Variants in CFAP61 observed in about 807,000 individuals in gnomAD.
CFAP61 encodes the protein cilia and flagella associated protein 61, also known as cilia- and flagella-associated protein 61.
In CFAP61, 107 loss-of-function variants were observed where a neutral mutation model predicts 135.6. That is an observed-to-expected ratio of 0.79 (90% CI 0.67 to 0.93). The LOEUF is 0.93. Ranked by LOEUF, CFAP61 falls within the 40% of genes least tolerant of loss-of-function variation. The pLI is 0.00. For synonymous variants in CFAP61, 575 were observed against 578.5 expected (o/e 0.99, Z 0.09); for missense variants, 1,507 against 1,556.2 (o/e 0.97, Z 0.53).
In CFAP61 at chr20:20,163,745, G is replaced by A. The variant is rs542206652; in HGVS notation, c.1027-305G>A. Among the ~76,000 whole-genome samples the A allele has an allele frequency of 9.9e-5, 15 of 152,196 alleles. No individual in the cohort carries two copies. In the East Asian group the frequency reaches 2.1e-3, roughly 21 times the overall value. Reference sequence around the variant, plus strand: ...GTTTTAAGCCCTGCCTGCATTAGGTGTTTGTCTTAATGCTCTCCCTCCCTT... The same window carrying A: ...GTTTTAAGCCCTGCCTGCATTAGGTATTTGTCTTAATGCTCTCCCTCCCTT... On this transcript the variant is annotated intron_variant, in intron 10 of 26. Coordinates refer to ENST00000245957, the MANE Select transcript of CFAP61 (RefSeq NM_015585.4).
At chr20:20,121,632 T>C (rs1344133485) in intron 8 of CFAP61, among the ~76,000 whole-genome samples, 1 of 151,990 alleles carries the variant, frequency 6.6e-6, no homozygotes, top group Non-Finnish European at 1.5e-5. Context: ...GTAACTGGAA[T>C]TACAGGCACA....
At chr20:20,299,292 C>T (rs1389801023) in intron 25 of CFAP61, among the ~76,000 whole-genome samples, 2 of 152,218 alleles carry the variant, frequency 1.3e-5, no homozygotes, top group Non-Finnish European at 2.9e-5. Flanking sequence ...GGAAGTCCCT[C>T]TCTGATCACA....
At chr20:20,294,524 C>G (rs1204350791) in intron 24 of CFAP61, among the ~76,000 whole-genome samples, 1 of 152,216 alleles carries the variant, frequency 6.6e-6, no homozygotes, top group African/African-American at 2.4e-5. Context: ...TCTAGTGTAG[C>G]TGCTTCTGGA....
intron 2 of CFAP61, among the ~76,000 whole-genome samples, chr20:20,057,120 T>TAAAAAA (rs752860141): frequency 9.8e-6 from 1 of 102,116 alleles, no homozygotes; most frequent in African/African-American, 3.7e-5. Context: ...CTGTCTCAAT[T>TAAAAAA]AAAAAAAAAA....
intron 18 of CFAP61, among the ~76,000 whole-genome samples, chr20:20,233,616 C>T (rs6081933): frequency 0.13 from 20,007 of 152,206 alleles, 1,487 homozygotes; most frequent in Middle Eastern, 0.22. Context: ...GAGTCTCAGT[C>T]TCCCCAGGCA....
rs2047436420 is a variant in CFAP61, at chr20:20,208,973, T to C, written c.1932+9071T>C. Among the ~76,000 whole-genome samples the C allele has an allele frequency of 2.0e-5, 3 of 152,176 alleles. No individual in the cohort carries two copies. The South Asian group carries it at 6.2e-4, about 32-fold the overall frequency. On this transcript the variant is annotated intron_variant, in intron 17 of 26. Transcript: ENST00000245957. Reference sequence around the variant, plus strand: ...CATGGGACTCACAGCACGTCAACAGTTCTCCTGGAAGAAATCTTCAAAAAA... The same window carrying C: ...CATGGGACTCACAGCACGTCAACAGCTCTCCTGGAAGAAATCTTCAAAAAA...
chr20:20,293,784 G>C (rs1231901670), intron 24 of CFAP61, among the ~76,000 whole-genome samples: 4 of 152,184 alleles, frequency 2.6e-5, no homozygotes, highest in African/African-American at 9.7e-5. Flanking sequence ...CAGTCCACAT[G>C]CTTTGTTGGC....
At chr20:20,287,668 T>G (rs914214967) in intron 22 of CFAP61, among the ~76,000 whole-genome samples, 3 of 152,004 alleles carry the variant, frequency 2.0e-5, no homozygotes, top group Non-Finnish European at 4.4e-5. Flanking sequence ...GTGATGGAAG[T>G]GGGGAGATGA....
rs1371233369 is a variant in CFAP61, at chr20:20,068,679, A to G, written c.144-2175A>G. Reference sequence around the variant, plus strand: ...GACGCCCGTACATCCGGTGGTACCCAGGGGGATTTCACTTGCTACATGCAG... The same window carrying G: ...GACGCCCGTACATCCGGTGGTACCCGGGGGGATTTCACTTGCTACATGCAG... On this transcript the variant is annotated intron_variant, in intron 2 of 26. Transcript: ENST00000245957. Among the ~76,000 whole-genome samples the G allele has an allele frequency of 3.9e-5, 6 of 152,198 alleles. No homozygotes were observed. In the South Asian group the frequency reaches 1.2e-3, roughly 32 times the overall value.
chr20:20,129,635 A>G (rs73605598), intron 8 of CFAP61, among the ~76,000 whole-genome samples: 14,534 of 149,326 alleles, frequency 0.097, 1,535 homozygotes, highest in East Asian at 0.59. Context: ...TTTTTTTAAT[A>G]AACTTTCTAC....
intron 13 of CFAP61, among the ~76,000 whole-genome samples, chr20:20,175,504 GT>G (rs2054556471): frequency 2.4e-4 from 1 of 4,244 alleles, no homozygotes. Context: ...GTTTTGTTTT[GT>G]TTTGTTTTGT....
intron 2 of CFAP61, among the ~76,000 whole-genome samples, chr20:20,067,534 C>T (rs922069350): frequency 3.3e-5 from 5 of 150,980 alleles, no homozygotes; most frequent in South Asian, 2.1e-4. Context: ...CGCAGCTACT[C>T]GGGAGGCTGA....
intron 22 of CFAP61, among the ~76,000 whole-genome samples, chr20:20,286,122 A>C (rs910197501): frequency 6.6e-6 from 1 of 152,190 alleles, no homozygotes; most frequent in Non-Finnish European, 1.5e-5. Flanking sequence ...TTAAATACTA[A>C]TAAGAATCCT....
intron 17 of CFAP61, among the ~76,000 whole-genome samples, chr20:20,216,137 C>A (rs892034159): frequency 6.6e-6 from 1 of 152,200 alleles, no homozygotes; most frequent in Non-Finnish European, 1.5e-5. Context: ...AATTTCCTTA[C>A]TGTAAATGTC....
intron 22 of CFAP61, among the ~76,000 whole-genome samples, chr20:20,286,645 G>A (rs1013048002): frequency 3.3e-5 from 5 of 152,172 alleles, no homozygotes; most frequent in African/African-American, 4.8e-5. Flanking sequence ...TTCCACTGGC[G>A]TTACAGAAGC....
intron 8 of CFAP61, among the ~76,000 whole-genome samples, chr20:20,133,178 C>T (rs549054584): frequency 1.2e-4 from 18 of 152,298 alleles, no homozygotes; most frequent in African/African-American, 4.1e-4. Flanking sequence ...CTTGCAACTG[C>T]GTCAATAATC....
At chr20:20,133,482 T>C (rs756403811) in intron 8 of CFAP61, among the ~76,000 whole-genome samples, 3 of 152,158 alleles carry the variant, frequency 2.0e-5, no homozygotes, top group African/African-American at 7.2e-5. Context: ...GGCTTTGAAC[T>C]AACACATGCC....
In CFAP61 at chr20:20,169,434, C is replaced by T. The variant is rs373554786; in HGVS notation, c.1359C>T (p.Tyr453=). 20 of 1,613,678 alleles carry T rather than the reference C, an allele frequency of 1.2e-5. No individual in the cohort carries two copies. The highest frequency in any genetic ancestry group is 1.1e-4 in the African/African-American group (8 of 74,906). ...CCTGCACCCTCGAGCAGGACCTCTA[C>T]GTCTTCCACCGGGCTGGATTGCTCA... ...FNTCTLEQDL[Y]VFHRAGLLKS... The change falls in exon 13 of 27, where the codon TAC becomes TAT. Residue 453 remains tyrosine (Y), a synonymous_variant. Transcript: ENST00000245957.
At chr20:20,168,759 G>T (rs1286448190) in intron 12 of CFAP61, among the ~76,000 whole-genome samples, 1 of 152,198 alleles carries the variant, frequency 6.6e-6, no homozygotes, top group Admixed American at 6.5e-5. Context: ...GACCTCTTAT[G>T]TCTGCTAACT....
Sources: gnomAD v4.1 joint callset for allele counts (sites outside exome capture counted in the v4.1 genomes callset) on GRCh38, gnomAD v4.1.1 for gene constraint, MANE v1.5 for transcripts, NCBI Gene and HGNC (gene_info 2026-07-23, HGNC 2026-07-21) for gene names.